SORCS2: variants seen among roughly 807,000 people sequenced by gnomAD.
SORCS2 encodes the protein VPS10 domain-containing receptor SorCS2.
A neutral mutation model predicts 141.6 loss-of-function variants in SORCS2; 100 were observed. That is an observed-to-expected ratio of 0.71 (90% CI 0.60 to 0.83). The LOEUF (loss-of-function observed/expected upper bound fraction) is 0.83, where lower values mean the gene tolerates loss of function less well. SORCS2 is among the 40% of genes least tolerant of loss of function. SORCS2 has a pLI of 0.00. For synonymous variants in SORCS2, 789 were observed against 676.9 expected (o/e 1.17, Z -2.57); for missense variants, 1,646 against 1,560.2 (o/e 1.05, Z -0.93).
At chr4:7,228,282 T>G (rs1162762508) in intron 1 of SORCS2, among the ~76,000 whole-genome samples, 1 of 152,184 alleles carries the variant, frequency 6.6e-6, no homozygotes, top group Non-Finnish European at 1.5e-5. Flanking sequence ...CCACCTTCTT[T>G]TAAAGGTCCT....
chr4:7,697,922 C>T (rs2109004527), intron 12 of SORCS2, among the ~76,000 whole-genome samples: 1 of 152,270 alleles, frequency 6.6e-6, no homozygotes, highest in South Asian at 2.1e-4. Context: ...TGGGCAGGGT[C>T]CCTCTGTGCT....
At chr4:7,724,480 G>GTGATGGTGGTGGTGATGA (rs1726923455) in intron 19 of SORCS2, among the ~76,000 whole-genome samples, 1 of 71,388 alleles carries the variant, frequency 1.4e-5, no homozygotes, top group Non-Finnish European at 3.2e-5. Context: ...GGTGATGGTG[G>GTGATGGTGGTGGTGATGA]TGATGGTGGT....
intron 1 of SORCS2, chr4:7,310,589 G>A (rs1718121815): frequency 6.5e-6 from 1 of 154,326 alleles, no homozygotes; most frequent in Admixed American, 6.5e-5. Flanking sequence ...CCTCGGACAG[G>A]ATCAAGTTCC....
At chr4:7,659,823 T>TCCC (rs555635616) in intron 5 of SORCS2, among the ~76,000 whole-genome samples, 3 of 151,708 alleles carry the variant, frequency 2.0e-5, no homozygotes, top group African/African-American at 7.3e-5. Flanking sequence ...GCTGTACTTC[T>TCCC]CCCCCCCACC....
chr4:7,583,170 C>G (rs193191343), intron 3 of SORCS2, among the ~76,000 whole-genome samples: 3 of 152,156 alleles, frequency 2.0e-5, no homozygotes, highest in Admixed American at 6.5e-5. Context: ...AGTTCTAGTA[C>G]TTTGTCTTTC....
At chr4:7,690,967 G>A (rs1724207822) in intron 11 of SORCS2, among the ~76,000 whole-genome samples, 1 of 152,216 alleles carries the variant, frequency 6.6e-6, no homozygotes, top group African/African-American at 2.4e-5. Context: ...ATACAAAGTA[G>A]AGCCACCTGT....
chr4:7,452,432 G>T (rs955857145), intron 2 of SORCS2, among the ~76,000 whole-genome samples: 1 of 152,216 alleles, frequency 6.6e-6, no homozygotes, highest in Non-Finnish European at 1.5e-5. Flanking sequence ...ATGAGCCACT[G>T]TGCTCGGCCT....
At chr4:7,652,915 C>T (rs1034907132) in intron 4 of SORCS2, among the ~76,000 whole-genome samples, 4 of 152,244 alleles carry the variant, frequency 2.6e-5, no homozygotes, top group African/African-American at 2.4e-5. Context: ...TTCCTTTCTT[C>T]TGCGCTCTCT....
At chr4:7,715,008 T>A (rs927470556) in intron 16 of SORCS2, among the ~76,000 whole-genome samples, 175 bp from the exon 17 acceptor site, 6 of 152,178 alleles carry the variant, frequency 3.9e-5, no homozygotes, top group Admixed American at 3.9e-4. Flanking sequence ...CTTGTTACCC[T>A]GTGTGCCCAT....
intron 5 of SORCS2, 54 bp from the exon 6 acceptor site, chr4:7,661,446 G>A (rs1313313378): frequency 3.9e-6 from 6 of 1,538,838 alleles, no homozygotes; most frequent in Middle Eastern, 1.7e-4. Flanking sequence ...GAGCAGCTGG[G>A]GGACGGGCAT....
chr4:7,573,160 A>C (rs888676833), intron 3 of SORCS2, among the ~76,000 whole-genome samples: 2 of 152,218 alleles, frequency 1.3e-5, no homozygotes, highest in Admixed American at 1.3e-4. Context: ...AAAATGCGCA[A>C]TCCACCTTTG....
At chr4:7,609,334 G>A (rs1381172103) in intron 3 of SORCS2, among the ~76,000 whole-genome samples, 1 of 152,132 alleles carries the variant, frequency 6.6e-6, no homozygotes, top group Non-Finnish European at 1.5e-5. Context: ...GTTTCTGTTA[G>A]CACCGTTTCT....
At chr4:7,542,947 G>A (rs999512046) in intron 3 of SORCS2, among the ~76,000 whole-genome samples, 5 of 152,218 alleles carry the variant, frequency 3.3e-5, no homozygotes, top group South Asian at 2.1e-4. Context: ...GACACTCACC[G>A]GCCCAGTGAC....
chr4:7,604,300 A>G (rs1317618826), intron 3 of SORCS2, among the ~76,000 whole-genome samples: 2 of 152,168 alleles, frequency 1.3e-5, no homozygotes, highest in Non-Finnish European at 2.9e-5. Context: ...GTTTCACAAG[A>G]TCACTATGGT....
chr4:7,697,323 A>G (rs763042564), intron 12 of SORCS2, 49 bp downstream of exon 12: 10 of 1,472,550 alleles, frequency 6.8e-6, no homozygotes, highest in African/African-American at 1.4e-5. Flanking sequence ...TCCAGCCGGG[A>G]CCCTCAGGAG....
intron 1 of SORCS2, among the ~76,000 whole-genome samples, chr4:7,273,922 C>T (rs1715303659): frequency 6.6e-6 from 1 of 152,210 alleles, no homozygotes; most frequent in East Asian, 1.9e-4. Flanking sequence ...TCCAGGGGAC[C>T]ATGCTGGGGC....
chr4:7,535,728 CA>C (rs1303999356), intron 3 of SORCS2, among the ~76,000 whole-genome samples: 2 of 152,234 alleles, frequency 1.3e-5, no homozygotes, highest in African/African-American at 2.4e-5. Flanking sequence ...GACAAAGCCT[CA>C]CACGTGTGGC....
At chr4:7,220,680 A>C (rs10020947) in intron 1 of SORCS2, among the ~76,000 whole-genome samples, 39,328 of 152,080 alleles carry the variant, frequency 0.26, 5,469 homozygotes, top group East Asian at 0.45. Flanking sequence ...GACCTGAATG[A>C]AGTGCTCGTG....
At chr4:7,661,690 C>A in intron 6 of SORCS2, 126 bp downstream of exon 6, 1 of 829,550 alleles carries the variant, frequency 1.2e-6, no homozygotes, top group South Asian at 1.6e-5. Context: ...CTCACTGTGT[C>A]TCGATGTGGC....
Sources: allele counts gnomAD v4.1 joint callset (sites outside exome capture counted in the v4.1 genomes callset), GRCh38; gene constraint gnomAD v4.1.1; transcripts MANE v1.5; gene names NCBI Gene and HGNC (gene_info 2026-07-23, HGNC 2026-07-21).